Variants in GPRIN3 observed in about 807,000 individuals in gnomAD.
The protein encoded by GPRIN3 is G protein-regulated inducer of neurite outgrowth 3.
A neutral mutation model predicts 13.7 loss-of-function variants in GPRIN3; 12 were observed. The observed-to-expected ratio is 0.87, with a 90% CI of 0.56 to 1.42. GPRIN3 has a LOEUF of 1.42. GPRIN3 is among the 40% of genes most tolerant of loss of function. The pLI, the probability that GPRIN3 is intolerant of heterozygous loss-of-function variation, is 0.00. For missense variants in GPRIN3, 1,009 were observed against 958.7 expected, an observed-to-expected ratio of 1.05 and a Z score of -0.69; for synonymous variants, 377 against 372.7, an observed-to-expected ratio of 1.01 and a Z score of -0.13.
Position 89,248,146 on chromosome 4 carries a change from C to T in GPRIN3, c.1965G>A (p.Gln655=). 2 of 1,614,090 alleles carry T rather than the reference C, an allele frequency of 1.2e-6. No homozygotes were observed. Among genetic ancestry groups the T allele is most frequent in the South Asian group, 1.1e-5 (1 of 91,082 alleles). The change falls in exon 2 of 2, where the codon CAG becomes CAA. Residue 655 remains glutamine (Q), a synonymous_variant. Coordinates refer to ENST00000609438, the MANE Select transcript of GPRIN3 (RefSeq NM_198281.3). The part of the protein sequence containing the change: ...QKLNVTAAAA[Q]VGLTPGDKKK... The stretch of plus-strand genomic sequence containing the variant: ...TCTTATCTCCTGGAGTGAGTCCTAC[C>T]TGAGCAGCAGCTGCTGTCACATTTA...
chr4:89,246,586 T>G lies in GPRIN3; in HGVS notation c.*1194A>C, dbSNP rs1359690469. The G allele has an allele frequency of 1.3e-5, 2 of 152,216 alleles. No individual in the cohort carries two copies. The highest frequency in any genetic ancestry group is 3.8e-4 in the East Asian group (2 of 5,196). The allele number at this position is 152,216 out of a possible 1,614,324, so 9.4% of individuals were successfully genotyped here. On this transcript the variant is annotated 3_prime_UTR_variant, in exon 2 of 2. Coordinates refer to ENST00000609438, the MANE Select transcript of GPRIN3 (RefSeq NM_198281.3). The stretch of plus-strand genomic sequence containing the variant: ...GTTTGAAGGATATTATGGGTATTTC[T>G]CTTAAAATCAATAAGTTTGCAGAAG...
rs1430531578 is a variant in GPRIN3, at chr4:89,241,862, T to C, written c.*5918A>G. On this transcript the variant is annotated 3_prime_UTR_variant, in exon 2 of 2. Transcript: ENST00000609438. ...TTACATGTTATTAAAAGCAATGATA[T>C]GAATCAGAAAAAAAACTGTTTAACT... 1 of 152,112 alleles carries C rather than the reference T, an allele frequency of 6.6e-6. No individual in the cohort carries two copies. Among genetic ancestry groups the C allele is most frequent in the Non-Finnish European group, 1.5e-5 (1 of 68,016 alleles). The allele number at this position is 152,112 out of a possible 1,614,324, so 9.4% of individuals were successfully genotyped here. A position where few individuals can be genotyped will look rare whatever the true frequency, so the allele number is the denominator to read the frequency against.
intron 1 of GPRIN3, among the ~76,000 whole-genome samples, chr4:89,266,441 T>G (rs578128156): frequency 6.6e-6 from 1 of 152,296 alleles, no homozygotes; most frequent in Non-Finnish European, 1.5e-5. Context: ...CTTACTCTTG[T>G]TCTTTTCACC....
intron 1 of GPRIN3, among the ~76,000 whole-genome samples, chr4:89,269,592 A>G (rs1359362137): frequency 6.6e-6 from 1 of 152,218 alleles, no homozygotes; most frequent in Non-Finnish European, 1.5e-5. Context: ...GATACAAGAG[A>G]TGATTATATC....
At chr4:89,283,620 A>C (rs1724319383) in intron 1 of GPRIN3, among the ~76,000 whole-genome samples, 1 of 151,972 alleles carries the variant, frequency 6.6e-6, no homozygotes, top group Non-Finnish European at 1.5e-5. Context: ...AGAGCTCGGC[A>C]TAGGGTGTTA....
At chr4:89,262,125 C>CAAA (rs61290252) in intron 1 of GPRIN3, among the ~76,000 whole-genome samples, 2 of 53,796 alleles carry the variant, frequency 3.7e-5, no homozygotes, top group African/African-American at 1.1e-4. Context: ...GACCCAGTCT[C>CAAA]AAAAAAAAAA....
At chr4:89,271,634 T>C (rs1447365785) in intron 1 of GPRIN3, among the ~76,000 whole-genome samples, 1 of 152,078 alleles carries the variant, frequency 6.6e-6, no homozygotes, top group Non-Finnish European at 1.5e-5. Flanking sequence ...TTTTGATCCA[T>C]GGTTGGAGGA....
At chr4:89,284,689 C>A (rs1578105469) in intron 1 of GPRIN3, among the ~76,000 whole-genome samples, 1 of 152,190 alleles carries the variant, frequency 6.6e-6, no homozygotes, top group Non-Finnish European at 1.5e-5. Flanking sequence ...ATCGCCTTTG[C>A]AAAAATTATA....
Position 89,252,931 on chromosome 4 carries a change from T to C in GPRIN3, c.-123-2698A>G, listed in dbSNP as rs569477986. Among the ~76,000 whole-genome samples, 18 of 151,890 alleles carry C rather than the reference T, an allele frequency of 1.2e-4. No homozygotes were observed. In the South Asian group the frequency reaches 3.8e-3, roughly 32 times the overall value. On this transcript the variant is annotated intron_variant, in intron 1 of 1. Coordinates refer to ENST00000609438, the MANE Select transcript of GPRIN3 (RefSeq NM_198281.3). ...TCCTCATCCTCAAAAAGCCTACCTATTCTTCAAGGCCCCACTTAAATCCCA... is the reference window on the plus strand; with the variant it reads ...TCCTCATCCTCAAAAAGCCTACCTACTCTTCAAGGCCCCACTTAAATCCCA...
intron 1 of GPRIN3, among the ~76,000 whole-genome samples, chr4:89,258,797 G>A (rs72872515): frequency 0.055 from 8,353 of 152,184 alleles, 747 homozygotes; most frequent in African/African-American, 0.19. Context: ...GCCCTACGTC[G>A]GGGTAGTTTC....
At chr4:89,264,203 C>T (rs1425360272) in intron 1 of GPRIN3, among the ~76,000 whole-genome samples, 1 of 152,074 alleles carries the variant, frequency 6.6e-6, no homozygotes, top group Non-Finnish European at 1.5e-5. Context: ...AATGTCTTCC[C>T]TTGCAGATGA....
chr4:89,247,567 T>G lies in GPRIN3; in HGVS notation c.*213A>C. 4.1e-6 allele frequency: 2 copies of G among 482,326 alleles called. No homozygotes were observed. The highest frequency in any genetic ancestry group is 7.3e-6 in the Non-Finnish European group (2 of 273,938). 29.9% of individuals were successfully genotyped at this position (482,326 alleles called of 1,614,324 possible). A position where few individuals can be genotyped will look rare whatever the true frequency, so the allele number is the denominator to read the frequency against. On this transcript the variant is annotated 3_prime_UTR_variant, in exon 2 of 2. Coordinates refer to ENST00000609438, the MANE Select transcript of GPRIN3 (RefSeq NM_198281.3). The stretch of plus-strand genomic sequence containing the variant: ...GTTGCAAACCTTCAGTGAAGCTTGT[T>G]TCTCTTTTCTTGTTCCTTCTTTCAA...
intron 1 of GPRIN3, among the ~76,000 whole-genome samples, chr4:89,299,556 T>C (rs1273485600): frequency 1.3e-5 from 2 of 152,186 alleles, no homozygotes; most frequent in African/African-American, 4.8e-5. Flanking sequence ...TCAACCCTGA[T>C]GCAGTCACCT....
chr4:89,255,158 G>A (rs1052310208), intron 1 of GPRIN3, among the ~76,000 whole-genome samples: 1 of 152,026 alleles, frequency 6.6e-6, no homozygotes, highest in African/African-American at 2.4e-5. Flanking sequence ...TAAGAACATG[G>A]ACTCTGGGGC....
rs149312464 is a variant in GPRIN3 at position 89,268,692 on chromosome 4, G to T, written c.-123-18459C>A. Among the ~76,000 whole-genome samples the T allele has an allele frequency of 2.2e-4, 33 of 152,282 alleles. No homozygotes were observed. In the East Asian group the frequency reaches 5.0e-3, roughly 23 times the overall value. On this transcript the variant is annotated intron_variant, in intron 1 of 1. Transcript: ENST00000609438. ...GAAGTATACAAGTGTAGAAAGATGG[G>T]AATAGCAGGCCCACAATCAATTGTG...
chr4:89,244,852 A>G lies in GPRIN3; in HGVS notation c.*2928T>C, dbSNP rs1362883947. Reference sequence around the variant, plus strand: ...TGATTCAATAAAATATTTCCTCCATATATTTCAAAAATATAATGCATGAAA... The same window carrying G: ...TGATTCAATAAAATATTTCCTCCATGTATTTCAAAAATATAATGCATGAAA... On this transcript the variant is annotated 3_prime_UTR_variant, in exon 2 of 2. Transcript: ENST00000609438. 3 of 152,212 alleles carry G rather than the reference A, an allele frequency of 2.0e-5. No individual in the cohort carries two copies. The highest frequency in any genetic ancestry group is 4.4e-5 in the Non-Finnish European group (3 of 68,038). 9.4% of individuals were successfully genotyped at this position (152,212 alleles called of 1,614,324 possible). A position where few individuals can be genotyped will look rare whatever the true frequency, so the allele number is the denominator to read the frequency against.
intron 1 of GPRIN3, among the ~76,000 whole-genome samples, chr4:89,299,615 G>A (rs1400892466): frequency 1.3e-5 from 2 of 152,204 alleles, no homozygotes; most frequent in African/African-American, 4.8e-5. Flanking sequence ...CAAGTGGCCA[G>A]ACTGTGCAGT....
chr4:89,305,779 A>C (rs142363082), intron 1 of GPRIN3, among the ~76,000 whole-genome samples: 30 of 152,344 alleles, frequency 2.0e-4, no homozygotes, highest in Non-Finnish European at 3.4e-4. Context: ...AATTTTTTTG[A>C]GGCAATTAAA....
rs896729605 is a variant in GPRIN3 at position 89,237,652 on chromosome 4, T to A, written c.*10128A>T. 6.6e-6 allele frequency: 1 copy of A among 152,184 alleles called. No homozygotes were observed. The highest frequency in any genetic ancestry group is 1.5e-5 in the Non-Finnish European group (1 of 68,032). The allele number at this position is 152,184 out of a possible 1,614,324, so 9.4% of individuals were successfully genotyped here. On this transcript the variant is annotated 3_prime_UTR_variant, in exon 2 of 2. Transcript: ENST00000609438. ...CTTCCAAAACTGTAAGAAATAAATT[T>A]ATTTACAAGCCTCCCAGTTTATGAT...
Sources: allele counts gnomAD v4.1 joint callset (sites outside exome capture counted in the v4.1 genomes callset), GRCh38; gene constraint gnomAD v4.1.1; transcripts MANE v1.5; gene names NCBI Gene and HGNC (gene_info 2026-07-23, HGNC 2026-07-21).